Variants in HSPG2 observed in about 807,000 individuals in gnomAD.
The protein encoded by HSPG2 is basement membrane-specific heparan sulfate proteoglycan core protein.
HSPG2 carries 278 observed loss-of-function variants against 526.6 expected under a neutral mutation model. That is an observed-to-expected ratio of 0.53 (90% CI 0.48 to 0.58). The LOEUF (loss-of-function observed/expected upper bound fraction) is 0.58. Among genes scored for constraint, HSPG2 ranks in the 20% least tolerant of loss-of-function variants. HSPG2 has a pLI of 0.00. For synonymous variants in HSPG2, 2,465 were observed against 2,555.4 expected (o/e 0.96, Z 1.07); for missense variants, 5,354 against 6,099.5 (o/e 0.88, Z 4.07).
chr1:21,825,679 A>G (rs2097970722), intron 91 of HSPG2, among the ~76,000 whole-genome samples: 1 of 152,210 alleles, frequency 6.6e-6, no homozygotes, highest in South Asian at 2.1e-4. Context: ...CCTAACACCT[A>G]TGATGTGGCT....
chr1:21,841,889 G>C (rs2098050006), intron 69 of HSPG2, 113 bp downstream of exon 69: 1 of 1,467,084 alleles, frequency 6.8e-7, no homozygotes, highest in African/African-American at 1.4e-5. Flanking sequence ...CTTACTCAGG[G>C]CCACACCATG....
rs2097987793 is a variant in HSPG2 at position 21,828,679 on chromosome 1, A to C, written c.12237+156T>G. 6.6e-6 allele frequency among the ~76,000 whole-genome samples: 1 copy of C among 152,056 alleles called. No homozygotes were observed. The highest frequency in any genetic ancestry group is 2.4e-5 in the African/African-American group (1 of 41,370). ...AGGTGTGATCATGCCCATTTTACAG[A>C]GGAGGAAACTGAGGCTCAGAGGTAC... On this transcript the variant is annotated intron_variant, in intron 88 of 96. Transcript: ENST00000374695. This position sits in a 1 kb window ranked among gnomAD's most constrained non-coding sequence, Gnocchi z 6.0.
At chr1:21,924,478 ACAC>A (rs1464735725) in intron 1 of HSPG2, among the ~76,000 whole-genome samples, 1 of 152,146 alleles carries the variant, frequency 6.6e-6, no homozygotes, top group African/African-American at 2.4e-5. Context: ...AGAGAATGGA[ACAC>A]CACCAACTTT....
chr1:21,857,979 TCTC>T (rs1204459030), intron 42 of HSPG2, among the ~76,000 whole-genome samples: 2 of 152,194 alleles, frequency 1.3e-5, no homozygotes, highest in South Asian at 2.1e-4. Context: ...AACATCAGCG[TCTC>T]CTCCTTCTCA....
At chr1:21,851,470 T>A in intron 55 of HSPG2, 76 bp downstream of exon 55, 20 of 1,596,764 alleles carry the variant, frequency 1.3e-5, no homozygotes, top group Non-Finnish European at 1.7e-5. Context: ...GGGGAGCCTC[T>A]AGCCCTCCCC....
rs750920048 is a variant in HSPG2, at chr1:21,831,472, C to T, written c.11443G>A (p.Gly3815Ser). ...GAIPKAGLSS[G>S]FIGCVRELRI... ...TGGGGAGGGGGCTCACCTATGAAGC[C>T]GCTGCTCAGCCCCGCCTTGGGGATG... The change falls in exon 83 of 97, where the codon GGC becomes AGC. Residue 3815 changes from glycine (G) to serine (S), a missense_variant. Gly to Ser is a moderately conservative substitution (Grantham distance 56). Transcript: ENST00000374695. 13 of 1,613,828 alleles carry T rather than the reference C, an allele frequency of 8.1e-6. No homozygotes were observed. In the South Asian group the frequency reaches 8.8e-5, roughly 11 times the overall value.
Position 21,844,254 on chromosome 1 carries a change from C to G in HSPG2, c.8510G>C (p.Arg2837Pro), listed in dbSNP as rs755825232. 4.3e-6 allele frequency: 7 copies of G among 1,613,634 alleles called. No individual in the cohort carries two copies. The African/African-American group carries it at 8.0e-5, about 18-fold the overall frequency. The change falls in exon 65 of 97, where the codon CGA (arginine) becomes CCA (proline). Residue 2837 changes from arginine (R) to proline (P), a missense_variant. Arg to Pro is a moderately radical substitution (Grantham distance 103, BLOSUM62 -2). Transcript: ENST00000374695. ...PPIRIEPSSSRVAEGQTLDLK... is the reference protein window; with the variant it reads ...PPIRIEPSSSPVAEGQTLDLK... Reference sequence around the variant, plus strand: ...ATCCAGGGTCTGCCCTTCTGCCACTCGGGAGGAGGAGGGCTCGATGCGGAT... The same window carrying G: ...ATCCAGGGTCTGCCCTTCTGCCACTGGGGAGGAGGAGGGCTCGATGCGGAT...
chr1:21,888,763 G>A, intron 6 of HSPG2: 2 of 1,320,848 alleles, frequency 1.5e-6, no homozygotes, highest in Non-Finnish European at 2.0e-6. Context: ...CTGGGAGCCG[G>A]GAGCTGAGGG....
chr1:21,862,016 C>T lies in HSPG2; in HGVS notation c.4840G>A (p.Ala1614Thr), dbSNP rs776616935. ...AGTPEDCQPC[A>T]CPLTNPENMF... is the part of the protein sequence containing the mutation. Reference sequence around the variant, plus strand: ...TTCTCTGGGTTGGTCAGTGGGCAGGCACAGGGCTGGCAGTCCTCAGGCGTC... The same window carrying T: ...TTCTCTGGGTTGGTCAGTGGGCAGGTACAGGGCTGGCAGTCCTCAGGCGTC... The change falls in exon 38 of 97, where the codon GCC becomes ACC. Residue 1614 changes from alanine to threonine, a missense_variant. Physicochemically the swap from Ala to Thr is moderately conservative, Grantham distance 58. Coordinates refer to ENST00000374695, the MANE Select transcript of HSPG2 (RefSeq NM_005529.7). The T allele has an allele frequency of 6.2e-7, 1 of 1,614,214 alleles. No homozygotes were observed. The highest frequency in any genetic ancestry group is 1.1e-5 in the South Asian group (1 of 91,084).
Position 21,841,082 on chromosome 1 carries a change from G to C in HSPG2, c.9513+19C>G. On this transcript the variant is annotated intron_variant, in intron 71 of 96. Coordinates refer to ENST00000374695, the MANE Select transcript of HSPG2 (RefSeq NM_005529.7). ...CCATGGACTGGGCCTCAGACCCAGAGAGGCAGCCCCGGCTTCACCTGCAGC... is the reference window on the plus strand; with the variant it reads ...CCATGGACTGGGCCTCAGACCCAGACAGGCAGCCCCGGCTTCACCTGCAGC... 6.3e-7 allele frequency: 1 copy of C among 1,581,176 alleles called. No homozygotes were observed. The highest frequency in any genetic ancestry group is 2.3e-5 in the East Asian group (1 of 42,830).
At chr1:21,924,890 T>C (rs992238905) in intron 1 of HSPG2, among the ~76,000 whole-genome samples, 1 of 152,202 alleles carries the variant, frequency 6.6e-6, no homozygotes, top group Non-Finnish European at 1.5e-5. Flanking sequence ...TTAAGCCCCA[T>C]TTCCTCTAGA....
chr1:21,864,113 G>A lies in HSPG2; in HGVS notation c.4727C>T (p.Thr1576Ile). 6.4e-7 allele frequency: 1 copy of A among 1,554,014 alleles called. No homozygotes were observed. Among genetic ancestry groups the A allele is most frequent in the Non-Finnish European group, 8.7e-7 (1 of 1,148,678 alleles). The change falls in exon 37 of 97, where the codon ACT (threonine) becomes ATT (isoleucine). Residue 1576 changes from threonine (T) to isoleucine (I), a missense_variant. Transcript: ENST00000374695. The surrounding 1 kb of genome is among the most constrained non-coding windows in gnomAD (Gnocchi z 4.8). ...NGHSDLCHPETGACSQCQHNA... is the reference protein window; with the variant it reads ...NGHSDLCHPEIGACSQCQHNA... ...CTTGCAGCTCACCGAGCAGGCCCCA[G>A]TCTCTGGGTGGCACAGGTCTGAGTG... is the stretch of plus-strand genomic sequence containing the variant.
chr1:21,923,860 G>A (rs968714356), intron 1 of HSPG2, among the ~76,000 whole-genome samples: 3 of 152,184 alleles, frequency 2.0e-5, no homozygotes, highest in Admixed American at 6.5e-5. Flanking sequence ...CCGAATGAAT[G>A]AACGGTCCCA....
At position 21,854,735 on chromosome 1, in the gene HSPG2, A is replaced by G. The variant is rs1378611086; in HGVS notation, c.6164T>C (p.Ile2055Thr). Residue 2055 changes from isoleucine to threonine, a missense_variant, in exon 49 of 97, where the codon ATT becomes ACT. Physicochemically the swap from Ile to Thr is moderately conservative, Grantham distance 89 (BLOSUM62 -1). Transcript: ENST00000374695. ...TGTCACAGAAGGCGATGAGGACTCA[A>G]TCTTGACCGGCGGTGGGCTGGCATC... ...ASDASPPPVK[I>T]ESSSPSVTEG... is the part of the protein sequence containing the mutation. The G allele has an allele frequency of 6.2e-7, 1 of 1,613,620 alleles. No homozygotes were observed. The highest frequency in any genetic ancestry group is 8.5e-7 in the Non-Finnish European group (1 of 1,179,888).
Position 21,830,017 on chromosome 1 carries a change from G to A in HSPG2, c.11746C>T (p.Arg3916Cys), listed in dbSNP as rs139182361. 35 of 1,610,398 alleles carry A rather than the reference G, an allele frequency of 2.2e-5. No homozygotes were observed. Among genetic ancestry groups the A allele is most frequent in the Middle Eastern group, 1.6e-4 (1 of 6,078 alleles). Residue 3916 changes from arginine to cysteine, a missense_variant, in exon 86 of 97, where the codon CGC becomes TGC. Coordinates refer to ENST00000374695, the MANE Select transcript of HSPG2 (RefSeq NM_005529.7). ...RGYTCRCHLG[R>C]SGLRCEEGVT... ...CCTTCCTCACACCGCAACCCCGAGCGGCCCAGGTGGCAGCGGCAGGTGTAG... is the reference window on the plus strand; with the variant it reads ...CCTTCCTCACACCGCAACCCCGAGCAGCCCAGGTGGCAGCGGCAGGTGTAG...
At chr1:21,927,815 AC>A (rs1030554865) in intron 1 of HSPG2, among the ~76,000 whole-genome samples, 2 of 152,148 alleles carry the variant, frequency 1.3e-5, no homozygotes, top group Non-Finnish European at 2.9e-5. Context: ...AGGCAGTTAC[AC>A]CCGGAGCTCT....
At chr1:21,894,595 T>A (rs905332341) in intron 3 of HSPG2, among the ~76,000 whole-genome samples, 7 of 152,080 alleles carry the variant, frequency 4.6e-5, no homozygotes, top group African/African-American at 1.7e-4. Flanking sequence ...CTCTTCCCCC[T>A]CTGGCCTCGT....
chr1:21,855,787 C>T lies in HSPG2; in HGVS notation c.5701G>A (p.Gly1901Arg). 1 of 1,613,172 alleles carries T rather than the reference C, an allele frequency of 6.2e-7. No homozygotes were observed. The stretch of plus-strand genomic sequence containing the variant: ...AATGTCATTCCCATCACGGCCTCAC[C>T]TGTCCACTCGAGGGTGGGCGTGGGG... ...GSPTPTLEWT[G>R]GPGGQLPAKA... is the part of the protein sequence containing the mutation. The change falls in exon 45 of 97, where the codon GGG becomes AGG. Residue 1901 changes from glycine to arginine, a missense_variant and splice_region_variant. Transcript: ENST00000374695.
At chr1:21,909,598 C>T (rs1398482580) in intron 1 of HSPG2, among the ~76,000 whole-genome samples, 2 of 152,234 alleles carry the variant, frequency 1.3e-5, no homozygotes, top group African/African-American at 2.4e-5. Flanking sequence ...GCTGGCATCC[C>T]CTCAGAGTCT....
Sources: allele counts gnomAD v4.1 joint callset (sites outside exome capture counted in the v4.1 genomes callset), GRCh38; gene constraint gnomAD v4.1.1; non-coding constraint Gnocchi (gnomAD v3.1); transcripts MANE v1.5; gene names NCBI Gene and HGNC (gene_info 2026-07-23, HGNC 2026-07-21).